NKAIN3: variants seen among roughly 807,000 people sequenced by gnomAD.
NKAIN3 encodes sodium/potassium transporting ATPase interacting 3.
In NKAIN3, 25 loss-of-function variants were observed where a neutral mutation model predicts 30.2. The ratio of observed to expected loss-of-function variants is 0.83; its 90% CI spans 0.60 to 1.16. NKAIN3 has a LOEUF of 1.16. Ranked by LOEUF, NKAIN3 falls within the 50% of genes most tolerant of loss-of-function variation. NKAIN3 has a pLI of 0.00. For synonymous variants in NKAIN3, 91 were observed against 89.6 expected (o/e 1.02, Z -0.09); for missense variants, 225 against 254.1 (o/e 0.89, Z 0.78).
At chr8:62,792,572 C>T (rs1376609154) in intron 4 of NKAIN3, among the ~76,000 whole-genome samples, 1 of 5,606 alleles carries the variant, frequency 1.8e-4, no homozygotes, top group African/African-American at 4.8e-4. Context: ...TCTCAAGGAC[C>T]CCATAGCCCT....
intron 3 of NKAIN3, among the ~76,000 whole-genome samples, chr8:62,596,056 C>T (rs908448303): frequency 2.0e-5 from 3 of 152,012 alleles, no homozygotes; most frequent in Non-Finnish European, 4.4e-5. Context: ...TTTGAAAAGG[C>T]CTGATCCAGT....
chr8:62,754,896 G>C (rs1399207779), intron 4 of NKAIN3, among the ~76,000 whole-genome samples: 1 of 152,176 alleles, frequency 6.6e-6, no homozygotes, highest in East Asian at 1.9e-4. Flanking sequence ...CATGCTCACA[G>C]AGTGCAAGAA....
At chr8:62,870,240 C>CTATATATATCTATATCTATA (rs1480426242) in intron 4 of NKAIN3, among the ~76,000 whole-genome samples, 3 of 114,380 alleles carry the variant, frequency 2.6e-5, no homozygotes, top group African/African-American at 1.2e-4. Context: ...ATATAGATAT[C>CTATATATATCTATATCTATA]TATAGATATC....
chr8:62,477,150 A>G (rs980257662), intron 1 of NKAIN3, among the ~76,000 whole-genome samples: 10 of 152,214 alleles, frequency 6.6e-5, no homozygotes, highest in African/African-American at 1.7e-4. Flanking sequence ...TAGCGTATCA[A>G]TCATGTGTGG....
rs140529513 is a variant in NKAIN3 at position 62,707,884 on chromosome 8, G to T, written c.274-39048G>T. On this transcript the variant is annotated intron_variant, in intron 3 of 6. Transcript: ENST00000623646. ...GTCTTAGGTTTAAGTCCCTAATCCA[G>T]CTTGAGTTGATTTTTGTATAAGCTG... 5.1e-3 allele frequency among the ~76,000 whole-genome samples: 782 copies of T among 152,138 alleles called. 3 individuals carry two copies. Among genetic ancestry groups the T allele is most frequent in the African/African-American group, 0.017 (726 of 41,518 alleles).
chr8:62,292,796 G>A (rs1385720174), intron 1 of NKAIN3, among the ~76,000 whole-genome samples: 1 of 152,114 alleles, frequency 6.6e-6, no homozygotes, highest in East Asian at 1.9e-4. Flanking sequence ...ACTAGGTTGG[G>A]GAAGTTGTGG....
chr8:62,675,858 T>C (rs1813460367), intron 3 of NKAIN3, among the ~76,000 whole-genome samples: 1 of 152,222 alleles, frequency 6.6e-6, no homozygotes, highest in African/African-American at 2.4e-5. Context: ...ATGGACCTTG[T>C]TATTTTGAGT....
At chr8:62,717,830 A>G (rs1814956220) in intron 3 of NKAIN3, among the ~76,000 whole-genome samples, 1 of 152,242 alleles carries the variant, frequency 6.6e-6, no homozygotes. Context: ...TTTTGAGAAC[A>G]TGACTGCCTT....
chr8:62,309,594 A>G (rs982783164), intron 1 of NKAIN3, among the ~76,000 whole-genome samples: 1 of 149,976 alleles, frequency 6.7e-6, no homozygotes, highest in Admixed American at 6.6e-5. Flanking sequence ...ATGGCTCTGT[A>G]CTCTCCCAAA....
chr8:62,886,991 G>A, intron 4 of NKAIN3, among the ~76,000 whole-genome samples: 1 of 152,120 alleles, frequency 6.6e-6, no homozygotes, highest in East Asian at 1.9e-4. Flanking sequence ...CAAAGGACAT[G>A]AACTCACTCT....
At position 62,567,710 on chromosome 8, in the gene NKAIN3, T is replaced by TA. The variant is rs574337979; in HGVS notation, c.55-11821dup. Among the ~76,000 whole-genome samples the TA allele has an allele frequency of 1.7e-3, 261 of 151,608 alleles. 1 individual carries two copies. Among genetic ancestry groups the TA allele is most frequent in the African/African-American group, 5.8e-3 (241 of 41,372 alleles). ...GGGAACTTCTAGAAGCTGGAAAAGT[T>TA]AAAAAAAAGGAAGTCTCCCCTATGG... On this transcript the variant is annotated intron_variant, in intron 1 of 6. Coordinates refer to ENST00000623646, the MANE Select transcript of NKAIN3 (RefSeq NM_001304533.3).
intron 1 of NKAIN3, among the ~76,000 whole-genome samples, chr8:62,460,216 A>T (rs991360547): frequency 1.3e-5 from 2 of 152,064 alleles, no homozygotes; most frequent in Non-Finnish European, 2.9e-5. Flanking sequence ...GTTCGAGACC[A>T]GCCTGGCTAA....
chr8:62,255,957 T>C (rs915510106), intron 1 of NKAIN3, among the ~76,000 whole-genome samples: 1 of 151,402 alleles, frequency 6.6e-6, no homozygotes, highest in African/African-American at 2.4e-5. Flanking sequence ...AGATCGAGGT[T>C]TGGGAACGTT....
intron 1 of NKAIN3, among the ~76,000 whole-genome samples, chr8:62,335,300 C>T (rs1271824072): frequency 6.6e-6 from 1 of 151,688 alleles, no homozygotes; most frequent in Non-Finnish European, 1.5e-5. Context: ...GTGACTCATG[C>T]CTGTTATTAC....
At chr8:62,813,620 GT>G (rs1165328110) in intron 4 of NKAIN3, among the ~76,000 whole-genome samples, 5 of 151,476 alleles carry the variant, frequency 3.3e-5, no homozygotes, top group African/African-American at 9.7e-5. Flanking sequence ...TTTGTTGGTA[GT>G]TTTTTGGTTG....
chr8:62,854,835 C>T (rs1012137241), intron 4 of NKAIN3, among the ~76,000 whole-genome samples: 10 of 152,062 alleles, frequency 6.6e-5, no homozygotes, highest in African/African-American at 1.2e-4. Flanking sequence ...TGGCTGGTAA[C>T]GATTTTTCCT....
chr8:62,473,732 A>G (rs925898356), intron 1 of NKAIN3, among the ~76,000 whole-genome samples: 1 of 152,032 alleles, frequency 6.6e-6, no homozygotes, highest in African/African-American at 2.4e-5. Flanking sequence ...CAATTTTTGA[A>G]CATCTCAGTC....
intron 1 of NKAIN3, among the ~76,000 whole-genome samples, chr8:62,417,559 T>C (rs970131130): frequency 6.6e-6 from 1 of 152,196 alleles, no homozygotes. Context: ...CTGTTCTCCA[T>C]AGTAGTTGAA....
chr8:62,474,792 T>C (rs1806461643), intron 1 of NKAIN3, among the ~76,000 whole-genome samples: 1 of 152,034 alleles, frequency 6.6e-6, no homozygotes, highest in Non-Finnish European at 1.5e-5. Flanking sequence ...GCTAAAGAGA[T>C]GAAGTGCCAG....
Sources: gnomAD v4.1 joint callset for allele counts (sites outside exome capture counted in the v4.1 genomes callset) on GRCh38, gnomAD v4.1.1 for gene constraint, MANE v1.5 for transcripts, NCBI Gene and HGNC (gene_info 2026-07-23, HGNC 2026-07-21) for gene names.